Variants in GADL1 observed in about 807,000 individuals in gnomAD.
GADL1 encodes the protein acidic amino acid decarboxylase GADL1.
Under a neutral mutation model 69.5 loss-of-function variants are expected in GADL1, and 71 were observed. The ratio of observed to expected loss-of-function variants is 1.02; its 90% CI spans 0.84 to 1.25. GADL1 has a LOEUF of 1.25. Among genes scored for constraint, GADL1 ranks in the 50% most tolerant of loss-of-function variants. The pLI, the probability that GADL1 is intolerant of heterozygous loss-of-function variation, is 0.00. For synonymous variants in GADL1, 254 were observed against 214.4 expected (o/e 1.18, Z -1.62); for missense variants, 737 against 631.8 (o/e 1.17, Z -1.79).
intron 11 of GADL1, among the ~76,000 whole-genome samples, chr3:30,833,014 T>A (rs1419932432): frequency 6.6e-6 from 1 of 151,972 alleles, no homozygotes; most frequent in African/African-American, 2.4e-5. Context: ...AGGTTTCAAG[T>A]TTTAAAAATA....
At chr3:30,886,465 T>G (rs1235169680) in intron 1 of GADL1, among the ~76,000 whole-genome samples, 1 of 152,074 alleles carries the variant, frequency 6.6e-6, no homozygotes. Flanking sequence ...GAACAAACTA[T>G]GGACACAACA....
chr3:30,765,092 A>G (rs7642526), intron 14 of GADL1, among the ~76,000 whole-genome samples: 19,955 of 150,084 alleles, frequency 0.13, 1,634 homozygotes, highest in South Asian at 0.24. Context: ...ATAGCAACTT[A>G]CAACACTAAC....
At chr3:30,851,358 T>C (rs972487390) in intron 4 of GADL1, among the ~76,000 whole-genome samples, 1 of 152,182 alleles carries the variant, frequency 6.6e-6, no homozygotes, top group Admixed American at 6.5e-5. Context: ...GCCATGAGTA[T>C]GCTAACAGTC....
chr3:30,732,602 G>A (rs950523578), intron 14 of GADL1, among the ~76,000 whole-genome samples: 1 of 152,050 alleles, frequency 6.6e-6, no homozygotes, highest in Non-Finnish European at 1.5e-5. Flanking sequence ...AAAATAAAAT[G>A]ACTTTCTTTC....
At chr3:30,744,904 CTTG>C (rs1374535759) in intron 14 of GADL1, among the ~76,000 whole-genome samples, 7 of 152,160 alleles carry the variant, frequency 4.6e-5, no homozygotes, top group African/African-American at 1.7e-4. Flanking sequence ...TAGGCTGACC[CTTG>C]TTGTAGAATA....
intron 11 of GADL1, among the ~76,000 whole-genome samples, chr3:30,832,230 G>C (rs1402498616): frequency 6.6e-6 from 1 of 150,950 alleles, no homozygotes; most frequent in Non-Finnish European, 1.5e-5. Context: ...GCAACTTTTT[G>C]AAAGTGCTCA....
intron 11 of GADL1, among the ~76,000 whole-genome samples, chr3:30,828,266 G>T (rs1275732773): frequency 6.6e-6 from 1 of 151,722 alleles, no homozygotes; most frequent in Non-Finnish European, 1.5e-5. Flanking sequence ...CAATCATTCA[G>T]AACAGAAACG....
intron 14 of GADL1, among the ~76,000 whole-genome samples, chr3:30,729,909 T>G (rs1303909675): frequency 6.6e-6 from 1 of 152,114 alleles, no homozygotes; most frequent in Non-Finnish European, 1.5e-5. Flanking sequence ...AGCAAAAAAC[T>G]GGAAGTTTCT....
chr3:30,859,079 TAGAG>T (rs1698275782), intron 2 of GADL1, among the ~76,000 whole-genome samples: 1 of 151,924 alleles, frequency 6.6e-6, no homozygotes, highest in African/African-American at 2.4e-5. Context: ...CAGCTTGACT[TAGAG>T]AGGTGGGGGC....
At chr3:30,890,964 C>G (rs1157762797) in intron 1 of GADL1, among the ~76,000 whole-genome samples, 1 of 152,136 alleles carries the variant, frequency 6.6e-6, no homozygotes, top group East Asian at 1.9e-4. Context: ...CTGAGGCTCA[C>G]AGAGGTTAAA....
intron 2 of GADL1, among the ~76,000 whole-genome samples, chr3:30,860,534 G>A (rs140312348): frequency 6.6e-5 from 10 of 152,012 alleles, no homozygotes; most frequent in African/African-American, 2.4e-4. Flanking sequence ...ACACCATCAG[G>A]ATTTTGCCTT....
At chr3:30,871,107 T>A (rs903981482) in intron 1 of GADL1, among the ~76,000 whole-genome samples, 2 of 150,072 alleles carry the variant, frequency 1.3e-5, no homozygotes, top group Admixed American at 6.7e-5. Flanking sequence ...CTTCTGTTTG[T>A]CCAAGGGGCA....
At chr3:30,801,372 CA>C (rs1188349898) in intron 11 of GADL1, among the ~76,000 whole-genome samples, 1 of 152,030 alleles carries the variant, frequency 6.6e-6, no homozygotes, top group Non-Finnish European at 1.5e-5. Flanking sequence ...ATTATGACAT[CA>C]AGGTGGCCCA....
intron 1 of GADL1, among the ~76,000 whole-genome samples, chr3:30,891,757 G>A (rs528917311): frequency 1.3e-5 from 2 of 152,208 alleles, no homozygotes; most frequent in South Asian, 4.1e-4. Flanking sequence ...TAGGGACCAT[G>A]CACCCAGTGA....
At chr3:30,783,211 A>G (rs1167565025) in intron 13 of GADL1, among the ~76,000 whole-genome samples, 1 of 151,972 alleles carries the variant, frequency 6.6e-6, no homozygotes, top group East Asian at 1.9e-4. Context: ...GTAGACCTTG[A>G]GAAAAGAAAA....
intron 1 of GADL1, among the ~76,000 whole-genome samples, chr3:30,878,573 T>C (rs1698605637): frequency 1.3e-5 from 2 of 151,904 alleles, no homozygotes; most frequent in Admixed American, 6.6e-5. Context: ...TCCCTCTTCA[T>C]AAAATGCATA....
chr3:30,766,505 C>T (rs761692056), intron 14 of GADL1, among the ~76,000 whole-genome samples: 2 of 150,728 alleles, frequency 1.3e-5, no homozygotes, highest in Non-Finnish European at 2.9e-5. Context: ...AAGTGGTTTA[C>T]ATGTACTATC....
At chr3:30,888,195 A>AG (rs1207467857) in intron 1 of GADL1, among the ~76,000 whole-genome samples, 3 of 152,180 alleles carry the variant, frequency 2.0e-5, no homozygotes, top group African/African-American at 7.2e-5. Context: ...GCAGCTAGGA[A>AG]GGGCCAACTG....
At chr3:30,844,695 C>G (rs991949065) in intron 6 of GADL1, among the ~76,000 whole-genome samples, 1 of 152,128 alleles carries the variant, frequency 6.6e-6, no homozygotes, top group Non-Finnish European at 1.5e-5. Context: ...GCTATGGAAT[C>G]TTGAACAAAT....
Sources: gnomAD v4.1 joint callset for allele counts (sites outside exome capture counted in the v4.1 genomes callset) on GRCh38, gnomAD v4.1.1 for gene constraint, MANE v1.5 for transcripts, NCBI Gene and HGNC (gene_info 2026-07-23, HGNC 2026-07-21) for gene names.